Variants in MSH3 observed in about 807,000 individuals in gnomAD.
MSH3 encodes the protein mutS homolog 3.
In MSH3, 106 loss-of-function variants were observed where a neutral mutation model predicts 123.3. That is an observed-to-expected ratio of 0.86 (90% CI 0.73 to 1.01). MSH3 has a LOEUF of 1.01. Ranked by LOEUF, MSH3 falls within the 50% of genes least tolerant of loss-of-function variation. The probability of loss-of-function intolerance (pLI) is 0.00; values close to 1 mark genes in which losing one functional copy is unlikely to be tolerated. For missense variants in MSH3, 1,459 were observed against 1,347.6 expected (o/e 1.08, Z -1.29); for synonymous variants, 515 against 481.4 (o/e 1.07, Z -0.91).
chr5:80,843,897 C>T (rs924102498), intron 20 of MSH3, among the ~76,000 whole-genome samples: 1 of 151,410 alleles, frequency 6.6e-6, no homozygotes, highest in Non-Finnish European at 1.5e-5. Flanking sequence ...TTTCTATCTC[C>T]TTCAGTTCTG....
At chr5:80,684,233 T>C (rs540652128) in intron 8 of MSH3, among the ~76,000 whole-genome samples, 19 of 152,184 alleles carry the variant, frequency 1.2e-4, no homozygotes, top group Non-Finnish European at 2.6e-4. Flanking sequence ...GTCACTGATA[T>C]TTTGATAGGG....
chr5:80,868,880 C>G (rs1237464070), intron 22 of MSH3, among the ~76,000 whole-genome samples: 1 of 151,988 alleles, frequency 6.6e-6, no homozygotes, highest in Non-Finnish European at 1.5e-5. Context: ...AAGCAGTGCT[C>G]CACTGCCTGC....
At chr5:80,714,065 T>C (rs1199539356) in intron 8 of MSH3, among the ~76,000 whole-genome samples, 1 of 151,996 alleles carries the variant, frequency 6.6e-6, no homozygotes, top group African/African-American at 2.4e-5. Context: ...AGTAGAAATT[T>C]TCCTAAAATC....
At chr5:80,687,508 G>A (rs1263485538) in intron 8 of MSH3, among the ~76,000 whole-genome samples, 2 of 152,206 alleles carry the variant, frequency 1.3e-5, no homozygotes, top group South Asian at 2.1e-4. Context: ...AGCCAAGGAA[G>A]GCTGTATGAA....
At chr5:80,761,408 T>A (rs950852564) in intron 12 of MSH3, 138 bp from the exon 13 acceptor site, 20 of 1,037,580 alleles carry the variant, frequency 1.9e-5, no homozygotes, top group Non-Finnish European at 3.0e-5. Flanking sequence ...CCTTCCCACA[T>A]GACTATCTCA....
At chr5:80,780,028 G>A (rs929093628) in intron 17 of MSH3, among the ~76,000 whole-genome samples, 3 of 152,046 alleles carry the variant, frequency 2.0e-5, no homozygotes, top group East Asian at 3.9e-4. Context: ...TATCTGCCAC[G>A]TTTTTTGTTA....
At chr5:80,845,686 G>A (rs575537757) in intron 20 of MSH3, among the ~76,000 whole-genome samples, 2 of 152,052 alleles carry the variant, frequency 1.3e-5, no homozygotes, top group South Asian at 2.1e-4. Context: ...CTTCCACTTG[G>A]TCAAATCGGC....
chr5:80,839,520 A>G (rs760190964), intron 20 of MSH3, among the ~76,000 whole-genome samples: 4 of 152,316 alleles, frequency 2.6e-5, no homozygotes, highest in East Asian at 1.9e-4. Flanking sequence ...TCCTAGAACA[A>G]TATTTCCTGT....
At chr5:80,775,939 G>A (rs1352322331) in intron 16 of MSH3, among the ~76,000 whole-genome samples, 181 bp downstream of exon 16, 1 of 151,702 alleles carries the variant, frequency 6.6e-6, no homozygotes, top group East Asian at 1.9e-4. Flanking sequence ...ACCCAGGCTG[G>A]AGTGTAGTGG....
intron 2 of MSH3, among the ~76,000 whole-genome samples, chr5:80,660,832 G>A (rs1010340028): frequency 6.6e-6 from 1 of 152,066 alleles, no homozygotes; most frequent in African/African-American, 2.4e-5. Flanking sequence ...AGCCTGTGCT[G>A]TCTAGCACAG....
chr5:80,670,787 A>G (rs1341988088), intron 4 of MSH3, among the ~76,000 whole-genome samples: 1 of 152,182 alleles, frequency 6.6e-6, no homozygotes, highest in African/African-American at 2.4e-5. Flanking sequence ...GAAGTTTTAC[A>G]GATCTCTTTG....
intron 17 of MSH3, 45 bp from the exon 18 acceptor site, chr5:80,787,520 G>A: frequency 8.2e-7 from 1 of 1,213,220 alleles, no homozygotes; most frequent in South Asian, 1.2e-5. Flanking sequence ...ATAGGTTTAA[G>A]ATATCAGTTT....
chr5:80,796,865 C>T (rs1207579176), intron 19 of MSH3, among the ~76,000 whole-genome samples: 1 of 152,160 alleles, frequency 6.6e-6, no homozygotes. Flanking sequence ...ACCCTGCCCA[C>T]CTCCATGGAT....
rs1199568889 is a variant in MSH3, at chr5:80,870,117, T to A, written c.3131-2999T>A. Among the ~76,000 whole-genome samples the A allele has an allele frequency of 5.7e-5, 8 of 139,142 alleles. No individual in the cohort carries two copies. The South Asian group carries it at 1.1e-3, about 20-fold the overall frequency. 91.3% of individuals were successfully genotyped at this position (139,142 alleles called of 152,430 possible). A position where few individuals can be genotyped will look rare whatever the true frequency, so the allele number is the denominator to read the frequency against. ...TAAACCCGGGAGGTGGAGGTTGTGG[T>A]AAGTCGAGATCATGCCATTGTACTC... On this transcript the variant is annotated intron_variant, in intron 22 of 23. Transcript: ENST00000265081.
chr5:80,737,875 C>T (rs1255030134), intron 10 of MSH3, among the ~76,000 whole-genome samples: 1 of 151,864 alleles, frequency 6.6e-6, no homozygotes, highest in Admixed American at 6.6e-5. Context: ...TTAAGATTGC[C>T]CAGTGGTTGA....
intron 8 of MSH3, among the ~76,000 whole-genome samples, chr5:80,680,264 A>C (rs1258254192): frequency 6.6e-6 from 1 of 152,006 alleles, no homozygotes; most frequent in South Asian, 2.1e-4. Flanking sequence ...TTATCTCAAA[A>C]AAAAAAAAAG....
intron 18 of MSH3, among the ~76,000 whole-genome samples, chr5:80,792,412 TA>T (rs1231031111): frequency 2.2e-3 from 308 of 137,118 alleles, no homozygotes; most frequent in Non-Finnish European, 2.3e-3. Flanking sequence ...CCCTATCTCT[TA>T]AAAAAAAAAA....
intron 20 of MSH3, among the ~76,000 whole-genome samples, chr5:80,852,630 C>T (rs775265791): frequency 6.6e-5 from 10 of 152,096 alleles, no homozygotes; most frequent in African/African-American, 2.2e-4. Flanking sequence ...TACCAGTATT[C>T]GAACTTTGAA....
chr5:80,662,730 A>G (rs1464999151), intron 2 of MSH3, among the ~76,000 whole-genome samples: 2 of 151,832 alleles, frequency 1.3e-5, no homozygotes, highest in Non-Finnish European at 2.9e-5. Flanking sequence ...AGGAGGCTGA[A>G]GTAGGAGAAT....
Sources: gnomAD v4.1 joint callset for allele counts (sites outside exome capture counted in the v4.1 genomes callset) on GRCh38, gnomAD v4.1.1 for gene constraint, MANE v1.5 for transcripts, NCBI Gene and HGNC (gene_info 2026-07-23, HGNC 2026-07-21) for gene names.